Variants in ROBO4 observed in about 807,000 individuals in gnomAD.
ROBO4 encodes roundabout homolog 4.
Under a neutral mutation model 103.3 loss-of-function variants are expected in ROBO4, and 80 were observed. That is an observed-to-expected ratio of 0.77 (90% CI 0.65 to 0.93). The LOEUF (loss-of-function observed/expected upper bound fraction) is 0.93. ROBO4 is among the 40% of genes least tolerant of loss of function. ROBO4 has a pLI of 0.00. For synonymous variants in ROBO4, 504 were observed against 529.7 expected, an observed-to-expected ratio of 0.95 and a Z score of 0.67; for missense variants, 1,333 against 1,305.3, an observed-to-expected ratio of 1.02 and a Z score of -0.33.
intron 12 of ROBO4, among the ~76,000 whole-genome samples, chr11:124,890,031 T>C (rs1286045313): frequency 6.6e-6 from 1 of 152,214 alleles, no homozygotes; most frequent in Non-Finnish European, 1.5e-5. Flanking sequence ...AAGAACTGGC[T>C]GTAGAAAACC....
In ROBO4 at chr11:124,897,011, T is replaced by C. The variant is rs1465152833; in HGVS notation, c.321A>G (p.Thr107=). 3.7e-6 allele frequency: 6 copies of C among 1,613,988 alleles called. No homozygotes were observed. The highest frequency in any genetic ancestry group is 2.2e-5 in the South Asian group (2 of 91,072). The part of the protein sequence containing the change: ...GHAHDGQALS[T]DLGVYTCEAS... ...CCTCACATGTGTAGACACCCAGGTCTGTGGACAGGGCCTGGCCATCGTGGG... is the reference window on the plus strand; with the variant it reads ...CCTCACATGTGTAGACACCCAGGTCCGTGGACAGGGCCTGGCCATCGTGGG... Residue 107 remains threonine, a synonymous_variant, in exon 2 of 18, where the codon ACA becomes ACG. Transcript: ENST00000306534.
chr11:124,894,185 T>G lies in ROBO4; in HGVS notation c.1318+16A>C. 6.3e-7 allele frequency: 1 copy of G among 1,599,950 alleles called. No individual in the cohort carries two copies. The highest frequency in any genetic ancestry group is 8.5e-7 in the Non-Finnish European group (1 of 1,171,324). On this transcript the variant is annotated intron_variant, in intron 8 of 17. Transcript: ENST00000306534. ...CAGGCTGAAGGGTAGGGTGGGTCTGTGGGCACTGCCCTCACCTAAAAGGAG... is the reference window on the plus strand; with the variant it reads ...CAGGCTGAAGGGTAGGGTGGGTCTGGGGGCACTGCCCTCACCTAAAAGGAG...
rs146230377 is a variant in ROBO4 at position 124,885,058 on chromosome 11, C to T, written c.2984G>A (p.Arg995His). Residue 995 changes from arginine to histidine, a missense_variant, in exon 17 of 18, where the codon CGT becomes CAT. Coordinates refer to ENST00000306534, the MANE Select transcript of ROBO4 (RefSeq NM_019055.6). ...ACACTCACCACCAGCCTTGGGCATA[C>T]GACAGTGGAGCTGACTTCTCTGGGA... is the stretch of plus-strand genomic sequence containing the variant. ...ISSQRSQLHC[R>H]MPKAGASPVD... 17 of 1,614,030 alleles carry T rather than the reference C, an allele frequency of 1.1e-5. No homozygotes were observed. Among genetic ancestry groups the T allele is most frequent in the Admixed American group, 3.3e-5 (2 of 60,008 alleles).
Position 124,896,232 on chromosome 11 carries a change from A to C in ROBO4, c.645T>G (p.His215Gln). ...AAACCCGGGCTGCGCGGCTCTCCCT[A>C]TGTCCTGCGCTGTTGGTGGCCACAC... ...YMCVATNSAG[H>Q]RESRAARVSI... Residue 215 changes from histidine to glutamine, a missense_variant, in exon 4 of 18, where the codon CAT becomes CAG. His to Gln is a conservative substitution (Grantham distance 24). Transcript: ENST00000306534. 2 of 1,613,790 alleles carry C rather than the reference A, an allele frequency of 1.2e-6. No individual in the cohort carries two copies. Among genetic ancestry groups the C allele is most frequent in the African/African-American group, 1.3e-5 (1 of 74,970 alleles).
In ROBO4 at chr11:124,885,227, G is replaced by T; in HGVS notation, c.2815C>A (p.Pro939Thr). ...VFIDASSPPS[P>T]RDEIFLTPNL... Reference sequence around the variant, plus strand: ...GGGGTCAGGAAGATCTCATCCCGTGGGGAGGGAGGTGATGAGGCATCTGTC... The same window carrying T: ...GGGGTCAGGAAGATCTCATCCCGTGTGGAGGGAGGTGATGAGGCATCTGTC... Residue 939 changes from proline (P) to threonine (T), a missense_variant, in exon 17 of 18, where the codon CCA becomes ACA. By Grantham distance (38) the Pro-to-Thr change is conservative. Transcript: ENST00000306534. 1 of 1,612,270 alleles carries T rather than the reference G, an allele frequency of 6.2e-7. No individual in the cohort carries two copies. The highest frequency in any genetic ancestry group is 8.5e-7 in the Non-Finnish European group (1 of 1,179,978).
Position 124,891,353 on chromosome 11 carries a change from AAG to A in ROBO4, c.1892_1893del (p.Ser631PhefsTer41), listed in dbSNP as rs1437376133. On this transcript the variant is annotated frameshift_variant, in exon 12 of 18. Coordinates refer to ENST00000306534, the MANE Select transcript of ROBO4 (RefSeq NM_019055.6). LOFTEE classifies it high-confidence loss of function. ...SDSLCSRRGLSSPRLSLAPAE... is the reference protein window; with the variant it reads ...SDSLCSRRGLXSPRLSLAPAE... ...GCAGGGGCCAGAGACAAGCGGGGAG[AAG>A]AGAGTCCCCTGCGGCTGCAGAGGCT... The A allele has an allele frequency of 1.9e-6, 3 of 1,539,276 alleles. No individual in the cohort carries two copies. Among genetic ancestry groups the A allele is most frequent in the Admixed American group, 4.0e-5 (2 of 49,444 alleles).
At chr11:124,885,276 G>C in intron 16 of ROBO4, 29 bp from the exon 17 acceptor site, 6 of 1,589,620 alleles carry the variant, frequency 3.8e-6, no homozygotes, top group Non-Finnish European at 5.1e-6. Context: ...GTGTCTGTGG[G>C]AGGTTGACCT....
rs1273485833 is a variant in ROBO4 at position 124,887,986 on chromosome 11, C to A, written c.1949-146G>T. On this transcript the variant is annotated intron_variant, in intron 12 of 17. Transcript: ENST00000306534. ...GGGAACCCCCTGAATCCCCTCCACA[C>A]CCCCATCTTCATCCAGCAGCTGTGA... The A allele has an allele frequency of 1.1e-5, 7 of 642,546 alleles. No individual in the cohort carries two copies. In the Admixed American group the frequency reaches 1.5e-4, roughly 14 times the overall value. 39.8% of individuals were successfully genotyped at this position (642,546 alleles called of 1,614,324 possible).
At chr11:124,896,077 C>T (rs1288673965) in intron 4 of ROBO4, 121 bp downstream of exon 4, 46 of 1,520,174 alleles carry the variant, frequency 3.0e-5, no homozygotes, top group East Asian at 2.5e-4. Context: ...CCTCCCGCTA[C>T]GTGAGACCCC....
chr11:124,894,061 A>G lies in ROBO4; in HGVS notation c.1319-16T>C, dbSNP rs1946841245. On this transcript the variant is annotated splice_polypyrimidine_tract_variant and intron_variant, in intron 8 of 17. Coordinates refer to ENST00000306534, the MANE Select transcript of ROBO4 (RefSeq NM_019055.6). Reference sequence around the variant, plus strand: ...ATGGCCTGCTCTGTATGGGATGCAGAGCTCAGAGGGAGAGGGAGTCGAGGC... The same window carrying G: ...ATGGCCTGCTCTGTATGGGATGCAGGGCTCAGAGGGAGAGGGAGTCGAGGC... 4.5e-6 allele frequency: 7 copies of G among 1,539,430 alleles called. No homozygotes were observed. In the South Asian group the frequency reaches 7.6e-5, roughly 17 times the overall value.
chr11:124,894,522 A>G, intron 7 of ROBO4, 153 bp from the exon 8 acceptor site: 1 of 670,208 alleles, frequency 1.5e-6, no homozygotes, highest in Non-Finnish European at 2.5e-6. Context: ...TATTCTCCCT[A>G]CCAAGTGAGA....
chr11:124,890,251 A>G (rs1295304441), intron 12 of ROBO4, among the ~76,000 whole-genome samples: 1 of 152,232 alleles, frequency 6.6e-6, no homozygotes, highest in African/African-American at 2.4e-5. Flanking sequence ...TACAGTCATA[A>G]AATTCTGGAT....
In ROBO4 at chr11:124,894,041, C is replaced by G; in HGVS notation, c.1323G>C (p.Gln441His). The change falls in exon 9 of 18, where the codon CAG becomes CAC. Residue 441 changes from glutamine to histidine, a missense_variant. Transcript: ENST00000306534. The part of the protein sequence containing the change: ...PSRPVCLLLE[Q>H]AMERATQEPS... ...GTTCTTGGGTGGCTCGCTCCATGGC[C>G]TGCTCTGTATGGGATGCAGAGCTCA... 1 of 1,547,992 alleles carries G rather than the reference C, an allele frequency of 6.5e-7. No individual in the cohort carries two copies. The highest frequency in any genetic ancestry group is 8.7e-7 in the Non-Finnish European group (1 of 1,147,018).
At position 124,885,138 on chromosome 11, in the gene ROBO4, G is replaced by A. The variant is rs755695646; in HGVS notation, c.2904C>T (p.His968=). 6 of 1,613,970 alleles carry A rather than the reference G, an allele frequency of 3.7e-6. No individual in the cohort carries two copies. Among genetic ancestry groups the A allele is most frequent in the Non-Finnish European group, 5.1e-6 (6 of 1,180,018 alleles). ...GCATCCCCCTTCCCAGCCGCTGGGT[G>A]TGGCTGACCTCCATGTCTTCCAACC... ...PDWLEDMEVS[H]TQRLGRGMPP... Residue 968 remains histidine (H), a synonymous_variant, in exon 17 of 18, where the codon CAC becomes CAT. Transcript: ENST00000306534.
chr11:124,894,484 G>A, intron 7 of ROBO4, 115 bp from the exon 8 acceptor site: 1 of 1,006,948 alleles, frequency 9.9e-7, no homozygotes, highest in South Asian at 1.7e-5. Flanking sequence ...TCCACTTGGG[G>A]AATGCACCCA....
chr11:124,894,698 A>T (rs1319849824), intron 7 of ROBO4, among the ~76,000 whole-genome samples: 2 of 152,196 alleles, frequency 1.3e-5, no homozygotes, highest in African/African-American at 4.8e-5. Flanking sequence ...GGCCTGGGAA[A>T]GGATCTGAGG....
At chr11:124,887,316 C>T in intron 14 of ROBO4, 42 bp downstream of exon 14, 1 of 1,613,358 alleles carries the variant, frequency 6.2e-7, no homozygotes, top group Admixed American at 1.7e-5. Flanking sequence ...TCCCCACACC[C>T]CCACTCTCCC....
chr11:124,885,488 C>T (rs1483478187), intron 16 of ROBO4, among the ~76,000 whole-genome samples: 1 of 152,184 alleles, frequency 6.6e-6, no homozygotes, highest in African/African-American at 2.4e-5. Context: ...CTGCACTGTC[C>T]CTTCACATCC....
rs1345449892 is a variant in ROBO4 at position 124,885,267 on chromosome 11, T to C, written c.2795-20A>G. On this transcript the variant is annotated intron_variant, in intron 16 of 17. Coordinates refer to ENST00000306534, the MANE Select transcript of ROBO4 (RefSeq NM_019055.6). ...AGGCATCTGTCAGGGAGGGTAGAGG[T>C]GTCTGTGGGAGGTTGACCTTCAGCC... 1.9e-6 allele frequency: 3 copies of C among 1,598,854 alleles called. No homozygotes were observed. In the African/African-American group the frequency reaches 4.0e-5, roughly 21 times the overall value.
Sources: allele counts gnomAD v4.1 joint callset (sites outside exome capture counted in the v4.1 genomes callset), GRCh38; gene constraint gnomAD v4.1.1; transcripts MANE v1.5; gene names NCBI Gene and HGNC (gene_info 2026-07-23, HGNC 2026-07-21).